The following BCAS1 variants were observed in gnomAD, a reference collection of about 807,000 sequenced individuals.
BCAS1 encodes breast carcinoma-amplified sequence 1.
A neutral mutation model predicts 65.4 loss-of-function variants in BCAS1; 46 were observed. The observed-to-expected ratio is 0.70, with a 90% CI of 0.55 to 0.90. BCAS1 has a LOEUF of 0.90. Ranked by LOEUF, BCAS1 falls within the 40% of genes least tolerant of loss-of-function variation. The probability of loss-of-function intolerance (pLI) is 0.00; values close to 1 mark genes in which losing one functional copy is unlikely to be tolerated. For missense variants in BCAS1, 793 were observed against 771.2 expected (o/e 1.03, Z -0.33); for synonymous variants, 298 against 293.5 (o/e 1.02, Z -0.16).
chr20:54,022,271 C>G (rs984442968), intron 4 of BCAS1, among the ~76,000 whole-genome samples: 1 of 148,646 alleles, frequency 6.7e-6, no homozygotes, highest in Non-Finnish European at 1.5e-5. Flanking sequence ...AAGTGAACCA[C>G]TATTAATTGA....
intron 1 of BCAS1, among the ~76,000 whole-genome samples, chr20:54,065,745 C>G (rs1039199240): frequency 2.6e-5 from 4 of 152,202 alleles, no homozygotes; most frequent in African/African-American, 9.7e-5. Flanking sequence ...GGGCTCCCCT[C>G]TGGCTCACCC....
chr20:53,955,187 G>A (rs140645773), intron 11 of BCAS1, among the ~76,000 whole-genome samples: 1 of 152,154 alleles, frequency 6.6e-6, no homozygotes, highest in Non-Finnish European at 1.5e-5. Context: ...AGAAGTAAGC[G>A]GGAAGACAAA....
At chr20:53,953,182 G>C (rs971039578) in intron 12 of BCAS1, among the ~76,000 whole-genome samples, 2 of 152,170 alleles carry the variant, frequency 1.3e-5, no homozygotes, top group Non-Finnish European at 2.9e-5. Flanking sequence ...AACTCTATGA[G>C]TTAGGCATCA....
intron 1 of BCAS1, among the ~76,000 whole-genome samples, chr20:54,067,519 A>G (rs1422139711): frequency 1.3e-5 from 2 of 152,206 alleles, no homozygotes; most frequent in African/African-American, 4.8e-5. Context: ...TTATCTTATT[A>G]TTGTTATAAT....
rs917054365 is a variant in BCAS1, at chr20:53,982,701, T to C, written c.1275+2586A>G. Among the ~76,000 whole-genome samples the C allele has an allele frequency of 2.6e-5, 4 of 152,176 alleles. No individual in the cohort carries two copies. The South Asian group carries it at 8.3e-4, about 32-fold the overall frequency. ...TTTTATAATCATAGTCTTTGTAATT[T>C]AACGAAAAGAAAACAAAGGTCCTCA... On this transcript the variant is annotated intron_variant, in intron 8 of 12. Transcript: ENST00000688948.
chr20:54,044,413 A>G (rs2092058363), intron 3 of BCAS1, among the ~76,000 whole-genome samples: 1 of 152,252 alleles, frequency 6.6e-6, no homozygotes, highest in African/African-American at 2.4e-5. Context: ...CAGTTGCATG[A>G]CAGTTAAAAT....
intron 9 of BCAS1, among the ~76,000 whole-genome samples, chr20:53,968,144 C>G (rs565878704): frequency 6.6e-6 from 1 of 152,224 alleles, no homozygotes; most frequent in African/African-American, 2.4e-5. Flanking sequence ...TCAGCACACG[C>G]GACCACGCCT....
At chr20:54,049,033 G>A (rs1246210972) in intron 3 of BCAS1, among the ~76,000 whole-genome samples, 1 of 152,230 alleles carries the variant, frequency 6.6e-6, no homozygotes, top group Non-Finnish European at 1.5e-5. Flanking sequence ...GACAAGTGCT[G>A]TTGCCTATAT....
chr20:54,013,551 G>A (rs1342577016), intron 4 of BCAS1, among the ~76,000 whole-genome samples: 1 of 152,200 alleles, frequency 6.6e-6, no homozygotes, highest in African/African-American at 2.4e-5. Context: ...CTGTAAAAAG[G>A]ATATATTCTT....
intron 10 of BCAS1, among the ~76,000 whole-genome samples, chr20:53,961,071 C>T (rs183208973): frequency 6.6e-6 from 1 of 152,276 alleles, no homozygotes; most frequent in East Asian, 1.9e-4. Context: ...GTGGCATTCA[C>T]GCCTTGTATA....
chr20:54,007,520 A>G (rs1440773664), intron 4 of BCAS1, among the ~76,000 whole-genome samples: 1 of 152,172 alleles, frequency 6.6e-6, no homozygotes, highest in Non-Finnish European at 1.5e-5. Context: ...TTGCCCCATG[A>G]CATCTTCTCT....
chr20:54,057,920 G>A (rs2092319629), intron 3 of BCAS1, among the ~76,000 whole-genome samples, 165 bp downstream of exon 3: 1 of 152,112 alleles, frequency 6.6e-6, no homozygotes, highest in South Asian at 2.1e-4. Flanking sequence ...CATTTCTGTT[G>A]CTTAAGCCAC....
chr20:53,997,629 G>A (rs1215337481), intron 4 of BCAS1, among the ~76,000 whole-genome samples: 1 of 152,132 alleles, frequency 6.6e-6, no homozygotes, highest in African/African-American at 2.4e-5. Context: ...GGGTCAAGAG[G>A]TATGCAAATT....
At chr20:54,016,503 C>T (rs755738637) in intron 4 of BCAS1, among the ~76,000 whole-genome samples, 2 of 152,176 alleles carry the variant, frequency 1.3e-5, no homozygotes, top group Non-Finnish European at 2.9e-5. Flanking sequence ...TTGAAATGTA[C>T]AGTAAACTAT....
chr20:54,062,289 T>C (rs750764128), intron 1 of BCAS1, among the ~76,000 whole-genome samples: 12 of 152,328 alleles, frequency 7.9e-5, no homozygotes, highest in Admixed American at 2.0e-4. Context: ...GGTGAGTGCT[T>C]ACCATCTGTT....
At chr20:54,060,542 G>A (rs1176598366) in intron 1 of BCAS1, among the ~76,000 whole-genome samples, 1 of 150,056 alleles carries the variant, frequency 6.7e-6, no homozygotes, top group Admixed American at 6.6e-5. Context: ...GACTGGTCTC[G>A]AGTGCCTGGC....
intron 4 of BCAS1, among the ~76,000 whole-genome samples, chr20:54,012,012 C>G (rs987377396): frequency 6.6e-6 from 1 of 152,132 alleles, no homozygotes; most frequent in Non-Finnish European, 1.5e-5. Context: ...GTTGGAACAA[C>G]CAAACATCAA....
At chr20:53,997,786 G>A (rs2090956188) in intron 4 of BCAS1, among the ~76,000 whole-genome samples, 1 of 152,158 alleles carries the variant, frequency 6.6e-6, no homozygotes, top group Non-Finnish European at 1.5e-5. Context: ...GGGCAGGTTG[G>A]TGCATGTGGT....
chr20:54,007,385 T>C (rs2299719), intron 4 of BCAS1, among the ~76,000 whole-genome samples: 43,886 of 152,126 alleles, frequency 0.29, 6,783 homozygotes, highest in East Asian at 0.63. Flanking sequence ...GGATCTGCCA[T>C]GATGGACGCC....
Sources: gnomAD v4.1 joint callset for allele counts (sites outside exome capture counted in the v4.1 genomes callset) on GRCh38, gnomAD v4.1.1 for gene constraint, MANE v1.5 for transcripts, NCBI Gene and HGNC (gene_info 2026-07-23, HGNC 2026-07-21) for gene names.